The following PDSS2 variants were observed in gnomAD, a reference collection of about 807,000 sequenced individuals.
The protein encoded by PDSS2 is all trans-polyprenyl-diphosphate synthase PDSS2.
PDSS2 carries 31 observed loss-of-function variants against 44.5 expected under a neutral mutation model. The observed-to-expected ratio is 0.70, with a 90% confidence interval of 0.52 to 0.94. The LOEUF (loss-of-function observed/expected upper bound fraction) is 0.94, where lower values mean the gene tolerates loss of function less well. Ranked by LOEUF, PDSS2 falls within the 40% of genes least tolerant of loss-of-function variation. PDSS2 has a pLI of 0.00. For missense variants in PDSS2, 452 were observed against 482.2 expected, an observed-to-expected ratio of 0.94 and a Z score of 0.59; for synonymous variants, 157 against 180.3, an observed-to-expected ratio of 0.87 and a Z score of 1.03.
intron 6 of PDSS2, among the ~76,000 whole-genome samples, chr6:107,201,384 C>T (rs1312203170): frequency 1.8e-4 from 2 of 11,240 alleles, no homozygotes; most frequent in African/African-American, 7.6e-4. Flanking sequence ...ATATTCCATA[C>T]AAAAGCAAAA....
intron 1 of PDSS2, among the ~76,000 whole-genome samples, chr6:107,407,068 C>T (rs1394931984): frequency 6.6e-6 from 1 of 151,996 alleles, no homozygotes; most frequent in Non-Finnish European, 1.5e-5. Context: ...AAGAGATGAA[C>T]AGATAAACAA....
intron 6 of PDSS2, among the ~76,000 whole-genome samples, chr6:107,201,526 A>C (rs1456353459): frequency 6.6e-6 from 1 of 152,156 alleles, no homozygotes; most frequent in East Asian, 1.9e-4. Flanking sequence ...ATGGATGTAC[A>C]ATGTGGTCTT....
chr6:107,198,281 A>G (rs1186512790), intron 6 of PDSS2, among the ~76,000 whole-genome samples: 1 of 152,180 alleles, frequency 6.6e-6, no homozygotes, highest in African/African-American at 2.4e-5. Context: ...CATGGATATA[A>G]TCTAGATCTG....
At chr6:107,444,132 A>C (rs1781593698) in intron 1 of PDSS2, among the ~76,000 whole-genome samples, 1 of 151,924 alleles carries the variant, frequency 6.6e-6, no homozygotes, top group Admixed American at 6.6e-5. Flanking sequence ...GGCTCAAGTG[A>C]TCCTCTCTCT....
intron 2 of PDSS2, among the ~76,000 whole-genome samples, chr6:107,299,718 C>T (rs1047066499): frequency 4.4e-4 from 67 of 152,182 alleles, no homozygotes; most frequent in African/African-American, 1.6e-3. Flanking sequence ...CCCACTTTCA[C>T]CCCCACATCC....
At chr6:107,172,702 T>A (rs1460622990) in intron 7 of PDSS2, among the ~76,000 whole-genome samples, 1 of 151,778 alleles carries the variant, frequency 6.6e-6, no homozygotes, top group African/African-American at 2.4e-5. Context: ...AAAAAGGCAA[T>A]GGTGGTGGCA....
intron 7 of PDSS2, among the ~76,000 whole-genome samples, chr6:107,192,113 G>A (rs1772401152): frequency 6.6e-6 from 1 of 152,212 alleles, no homozygotes; most frequent in Non-Finnish European, 1.5e-5. Context: ...GTTTAGTTTA[G>A]TTTAAGATGC....
chr6:107,240,922 T>C (rs911729869), intron 4 of PDSS2, among the ~76,000 whole-genome samples: 2 of 152,144 alleles, frequency 1.3e-5, no homozygotes, highest in African/African-American at 4.8e-5. Flanking sequence ...GAACAAAGGA[T>C]GAATTTCCTA....
intron 3 of PDSS2, among the ~76,000 whole-genome samples, chr6:107,273,491 T>C (rs1775673431): frequency 6.6e-6 from 1 of 152,154 alleles, no homozygotes; most frequent in Non-Finnish European, 1.5e-5. Flanking sequence ...CAATGAGGAA[T>C]CTGATAAACA....
chr6:107,343,434 T>C (rs1041351248), intron 1 of PDSS2, among the ~76,000 whole-genome samples: 1 of 152,168 alleles, frequency 6.6e-6, no homozygotes, highest in Non-Finnish European at 1.5e-5. Context: ...GCAACTGTAG[T>C]TTTTTTGAAA....
intron 2 of PDSS2, among the ~76,000 whole-genome samples, chr6:107,280,287 C>G (rs1562431158): frequency 6.6e-6 from 1 of 152,114 alleles, no homozygotes; most frequent in Non-Finnish European, 1.5e-5. Flanking sequence ...GTCTTAAACT[C>G]CTGACCTCAA....
intron 3 of PDSS2, among the ~76,000 whole-genome samples, chr6:107,270,526 T>C (rs1314604485): frequency 2.0e-5 from 3 of 152,218 alleles, no homozygotes; most frequent in Non-Finnish European, 4.4e-5. Flanking sequence ...ATTCAGATAT[T>C]TGTAAATTTT....
Position 107,304,584 on chromosome 6 carries a change from G to A in PDSS2, c.431+29614C>T, listed in dbSNP as rs1053207695. 6.6e-5 allele frequency among the ~76,000 whole-genome samples: 10 copies of A among 152,142 alleles called. No homozygotes were observed. In the East Asian group the frequency reaches 7.7e-4, roughly 12 times the overall value. On this transcript the variant is annotated intron_variant, in intron 2 of 7. Coordinates refer to ENST00000369037, the MANE Select transcript of PDSS2 (RefSeq NM_020381.4). ...GCTCAGCTACTCTCAGTGCCCAGTC[G>A]TTTCATCTGTAAAATGGTGGTAACA... is the stretch of plus-strand genomic sequence containing the variant.
At chr6:107,446,692 GAA>G (rs1041609213) in intron 1 of PDSS2, among the ~76,000 whole-genome samples, 1 of 152,108 alleles carries the variant, frequency 6.6e-6, no homozygotes. Flanking sequence ...CAGGCCAGCA[GAA>G]GAGAGAATGA....
intron 1 of PDSS2, among the ~76,000 whole-genome samples, chr6:107,361,876 C>A (rs939556662): frequency 5.3e-5 from 8 of 152,230 alleles, no homozygotes; most frequent in Admixed American, 3.3e-4. Context: ...AGCAGCTGCT[C>A]TCACCTCCAT....
chr6:107,196,137 A>G (rs1772555721), intron 6 of PDSS2, among the ~76,000 whole-genome samples: 1 of 152,170 alleles, frequency 6.6e-6, no homozygotes, highest in Admixed American at 6.5e-5. Context: ...AAATTTCAAA[A>G]CCAAGCTGTT....
chr6:107,187,861 G>T (rs9386623), intron 7 of PDSS2, among the ~76,000 whole-genome samples: 36,982 of 152,080 alleles, frequency 0.24, 5,527 homozygotes, highest in East Asian at 0.54. Flanking sequence ...AGCACCTGCC[G>T]TTAGATCTTT....
chr6:107,442,988 G>GT (rs1781555747), intron 1 of PDSS2, among the ~76,000 whole-genome samples: 1 of 152,092 alleles, frequency 6.6e-6, no homozygotes, highest in Non-Finnish European at 1.5e-5. Context: ...CCTAACATAT[G>GT]TAACAATTTA....
intron 1 of PDSS2, among the ~76,000 whole-genome samples, chr6:107,398,266 C>G (rs1780007580): frequency 6.6e-6 from 1 of 152,142 alleles, no homozygotes; most frequent in South Asian, 2.1e-4. Context: ...TAAGAAAATT[C>G]AGCTGTCTCC....
Sources: gnomAD v4.1 joint callset for allele counts (sites outside exome capture counted in the v4.1 genomes callset) on GRCh38, gnomAD v4.1.1 for gene constraint, MANE v1.5 for transcripts, NCBI Gene and HGNC (gene_info 2026-07-23, HGNC 2026-07-21) for gene names.